The following LARP1B variants were observed in gnomAD, a reference collection of about 807,000 sequenced individuals.
The protein encoded by LARP1B is la-related protein 1B.
LARP1B carries 76 observed loss-of-function variants against 114.2 expected under a neutral mutation model. That is an observed-to-expected ratio of 0.67 (90% confidence interval 0.55 to 0.81). The LOEUF (loss-of-function observed/expected upper bound fraction) is 0.81. LARP1B is among the 30% of genes least tolerant of loss of function. The probability of loss-of-function intolerance (pLI) is 0.00; values close to 1 mark genes in which losing one functional copy is unlikely to be tolerated. For synonymous variants in LARP1B, 345 were observed against 348.0 expected, an observed-to-expected ratio of 0.99 and a Z score of 0.10; for missense variants, 1,014 against 1,075.8, an observed-to-expected ratio of 0.94 and a Z score of 0.80.
At chr4:128,090,080 T>G (rs1775338177) in intron 5 of LARP1B, among the ~76,000 whole-genome samples, 1 of 151,318 alleles carries the variant, frequency 6.6e-6, no homozygotes. Flanking sequence ...GCCTCTTTTT[T>G]TTTTTTTTTG....
chr4:128,066,645 T>G (rs1315582905), intron 1 of LARP1B, among the ~76,000 whole-genome samples: 1 of 151,656 alleles, frequency 6.6e-6, no homozygotes, highest in Non-Finnish European at 1.5e-5. Flanking sequence ...GCCTGGCTAA[T>G]TTTTATATTT....
At chr4:128,136,690 A>T (rs1197595042) in intron 11 of LARP1B, among the ~76,000 whole-genome samples, 1 of 152,242 alleles carries the variant, frequency 6.6e-6, no homozygotes, top group Non-Finnish European at 1.5e-5. Context: ...CTCCACTGGT[A>T]TATAAAGTGA....
intron 7 of LARP1B, among the ~76,000 whole-genome samples, chr4:128,091,732 G>T (rs1036550155): frequency 3.9e-5 from 6 of 152,006 alleles, no homozygotes; most frequent in Non-Finnish European, 7.4e-5. Context: ...GGGTAGTTGG[G>T]ATTACAGGCA....
chr4:128,161,521 C>A (rs929602425), intron 11 of LARP1B, among the ~76,000 whole-genome samples: 1 of 152,186 alleles, frequency 6.6e-6, no homozygotes, highest in Non-Finnish European at 1.5e-5. Context: ...GTGAAATCTT[C>A]TTGACCCAGT....
chr4:128,115,971 A>G lies in LARP1B; in HGVS notation c.1161+1229A>G, dbSNP rs994444490. 1.5e-4 allele frequency among the ~76,000 whole-genome samples: 23 copies of G among 152,224 alleles called. 1 individual carries two copies. Among genetic ancestry groups the G allele is most frequent in the Admixed American group, 1.4e-3 (22 of 15,278 alleles). The stretch of plus-strand genomic sequence containing the variant: ...TCTGCGGCCTGGCCAGAAAATGTAT[A>G]AATTTTGAAGTTACACTCATGTTAA... On this transcript the variant is annotated intron_variant, in intron 10 of 19. Coordinates refer to ENST00000326639, the MANE Select transcript of LARP1B (RefSeq NM_018078.4).
chr4:128,186,984 G>A (rs564933842), intron 15 of LARP1B, among the ~76,000 whole-genome samples: 1 of 152,328 alleles, frequency 6.6e-6, no homozygotes, highest in East Asian at 1.9e-4. Context: ...TGCACAGAAT[G>A]CAAGAGTTGA....
chr4:128,200,183 C>T (rs1309719929), intron 16 of LARP1B, among the ~76,000 whole-genome samples: 1 of 152,224 alleles, frequency 6.6e-6, no homozygotes, highest in Non-Finnish European at 1.5e-5. Flanking sequence ...CATTTGTCAG[C>T]TGTTTCAGCA....
At chr4:128,101,208 T>G (rs1192672472) in intron 8 of LARP1B, among the ~76,000 whole-genome samples, 1 of 149,594 alleles carries the variant, frequency 6.7e-6, no homozygotes, top group African/African-American at 2.4e-5. Flanking sequence ...GCGCGGTGGC[T>G]CATGCCTGTA....
At chr4:128,179,088 AT>A (rs1561507847) in intron 14 of LARP1B, among the ~76,000 whole-genome samples, 2 of 152,198 alleles carry the variant, frequency 1.3e-5, no homozygotes, top group African/African-American at 4.8e-5. Flanking sequence ...GTAAGACCCC[AT>A]TTAAAAATAA....
intron 15 of LARP1B, among the ~76,000 whole-genome samples, chr4:128,189,244 A>T: frequency 7.2e-6 from 1 of 137,940 alleles, no homozygotes; most frequent in Non-Finnish European, 1.5e-5. Flanking sequence ...TTATCATCAT[A>T]CAGTGACCTT....
At chr4:128,134,643 AACAGT>A (rs1792681796) in intron 11 of LARP1B, among the ~76,000 whole-genome samples, 3 of 152,228 alleles carry the variant, frequency 2.0e-5, no homozygotes, top group Admixed American at 6.5e-5. Flanking sequence ...GGACACAGTT[AACAGT>A]AGGCAACCTA....
At chr4:128,190,329 T>C (rs1180212202) in intron 15 of LARP1B, among the ~76,000 whole-genome samples, 2 of 152,220 alleles carry the variant, frequency 1.3e-5, no homozygotes, top group African/African-American at 2.4e-5. Context: ...CTCTTTTATA[T>C]GTTCTTTTAT....
intron 11 of LARP1B, among the ~76,000 whole-genome samples, chr4:128,138,033 T>G (rs1726232477): frequency 6.6e-6 from 1 of 152,044 alleles, no homozygotes; most frequent in South Asian, 2.1e-4. Flanking sequence ...ATATGAGGAT[T>G]GAACAACATA....
rs1397072669 is a variant in LARP1B, at chr4:128,099,155, T to TG, written c.813+829dup. 4.6e-5 allele frequency among the ~76,000 whole-genome samples: 7 copies of TG among 150,920 alleles called. No individual in the cohort carries two copies. The East Asian group carries it at 5.9e-4, about 13-fold the overall frequency. On this transcript the variant is annotated intron_variant, in intron 8 of 19. Coordinates refer to ENST00000326639, the MANE Select transcript of LARP1B (RefSeq NM_018078.4). ...GCTCATGCCTGTAATCCCAGCACTT[T>TG]GGGGAAAAAAAAAATCTCTCATCTG...
intron 3 of LARP1B, among the ~76,000 whole-genome samples, chr4:128,077,246 G>A (rs1001712542): frequency 6.6e-5 from 10 of 151,872 alleles, no homozygotes; most frequent in South Asian, 2.1e-4. Flanking sequence ...TGCGTGTATC[G>A]CAGCACTTTG....
chr4:128,070,406 A>G (rs1289170633), intron 1 of LARP1B, among the ~76,000 whole-genome samples: 3 of 152,190 alleles, frequency 2.0e-5, no homozygotes, highest in Non-Finnish European at 4.4e-5. Context: ...CATGCCTGCA[A>G]TCCGAGCACT....
intron 6 of LARP1B, among the ~76,000 whole-genome samples, chr4:128,219,120 GCA>G (rs1368851106): frequency 6.6e-6 from 1 of 151,156 alleles, no homozygotes; most frequent in Non-Finnish European, 1.5e-5. Context: ...AGTTAGAATG[GCA>G]ATCATTCAAA....
chr4:128,070,830 A>C (rs1470552017), intron 1 of LARP1B, among the ~76,000 whole-genome samples: 1 of 151,998 alleles, frequency 6.6e-6, no homozygotes, highest in African/African-American at 2.4e-5. Context: ...AGTGGTCCTA[A>C]ATATGGCTGA....
At chr4:128,148,838 G>A (rs2060937733) in intron 11 of LARP1B, among the ~76,000 whole-genome samples, 1 of 152,090 alleles carries the variant, frequency 6.6e-6, no homozygotes, top group Non-Finnish European at 1.5e-5. Flanking sequence ...TGTTGGCCTG[G>A]CTGGTCTCGA....
Sources: allele counts gnomAD v4.1 joint callset (sites outside exome capture counted in the v4.1 genomes callset), GRCh38; gene constraint gnomAD v4.1.1; transcripts MANE v1.5; gene names NCBI Gene and HGNC (gene_info 2026-07-23, HGNC 2026-07-21).